Variants in CFAP299 observed in about 807,000 individuals in gnomAD.
The protein encoded by CFAP299 is cilia- and flagella-associated protein 299.
In CFAP299, 21 loss-of-function variants were observed where a neutral mutation model predicts 27.0. The ratio of observed to expected loss-of-function variants is 0.78; its 90% CI spans 0.55 to 1.12. The LOEUF is 1.12. Ranked by LOEUF, CFAP299 falls within the 50% of genes most tolerant of loss-of-function variation. The pLI is 0.00. For missense variants in CFAP299, 310 were observed against 276.6 expected (o/e 1.12, Z -0.86); for synonymous variants, 104 against 98.1 (o/e 1.06, Z -0.36).
chr4:80,848,062 T>C (rs900701075), intron 3 of CFAP299, among the ~76,000 whole-genome samples: 1 of 151,438 alleles, frequency 6.6e-6, no homozygotes, highest in Non-Finnish European at 1.5e-5. Flanking sequence ...AATACAAAAA[T>C]TAGCTGAGTG....
chr4:80,330,838 T>C (rs1007964946), upstream of CFAP299, among the ~76,000 whole-genome samples: 12 of 152,158 alleles, frequency 7.9e-5, no homozygotes, highest in African/African-American at 2.7e-4. Flanking sequence ...CACTGAAATA[T>C]ATAGAAAAAG....
chr4:80,681,721 G>A (rs1026465766), intron 3 of CFAP299, among the ~76,000 whole-genome samples: 12 of 152,164 alleles, frequency 7.9e-5, no homozygotes, highest in African/African-American at 2.9e-4. Context: ...TTAACAGATG[G>A]CAAAATGTAT....
chr4:80,824,277 G>T (rs985491292), intron 3 of CFAP299, among the ~76,000 whole-genome samples: 16 of 152,064 alleles, frequency 1.1e-4, no homozygotes, highest in African/African-American at 3.9e-4. Flanking sequence ...TTAGTTTTTT[G>T]CTCAGCAGTG....
intron 5 of CFAP299, among the ~76,000 whole-genome samples, chr4:80,945,252 T>C (rs1212283033): frequency 6.6e-6 from 1 of 152,218 alleles, no homozygotes; most frequent in Non-Finnish European, 1.5e-5. Context: ...ATCCTGCAGA[T>C]GTCCAGCCAC....
chr4:80,740,639 A>G (rs1379308197), intron 3 of CFAP299, among the ~76,000 whole-genome samples: 1 of 152,166 alleles, frequency 6.6e-6, no homozygotes, highest in Non-Finnish European at 1.5e-5. Flanking sequence ...CAGGCCCTGG[A>G]CATGTCCAGA....
At chr4:80,453,198 T>C (rs540115541) in intron 2 of CFAP299, among the ~76,000 whole-genome samples, 1 of 152,318 alleles carries the variant, frequency 6.6e-6, no homozygotes, top group East Asian at 1.9e-4. Context: ...TCCCTTTTTT[T>C]TATATTTAAG....
chr4:80,851,623 T>G (rs890342526), intron 3 of CFAP299, among the ~76,000 whole-genome samples: 4 of 151,914 alleles, frequency 2.6e-5, no homozygotes, highest in African/African-American at 9.7e-5. Context: ...AGAAGAAAAA[T>G]GACTTGAGAA....
chr4:80,454,347 C>T (rs1000808488), intron 2 of CFAP299, among the ~76,000 whole-genome samples: 1 of 152,160 alleles, frequency 6.6e-6, no homozygotes, highest in African/African-American at 2.4e-5. Context: ...AAGATATCTA[C>T]CAGCGAACAT....
intron 3 of CFAP299, among the ~76,000 whole-genome samples, chr4:80,795,552 G>A (rs1727806163): frequency 6.6e-6 from 1 of 152,180 alleles, no homozygotes; most frequent in Non-Finnish European, 1.5e-5. Flanking sequence ...GAGGCCACTG[G>A]TGCAGGCTGG....
At chr4:80,552,436 C>T (rs1045157022) in intron 2 of CFAP299, among the ~76,000 whole-genome samples, 2 of 152,100 alleles carry the variant, frequency 1.3e-5, no homozygotes, top group Non-Finnish European at 2.9e-5. Context: ...AACCCTGAGC[C>T]AGCCAGGTGA....
At chr4:80,855,864 C>T (rs1020041567) in intron 3 of CFAP299, among the ~76,000 whole-genome samples, 10 of 151,936 alleles carry the variant, frequency 6.6e-5, no homozygotes, top group Admixed American at 5.9e-4. Flanking sequence ...CCGCAATAAA[C>T]ATACGTGTGC....
At chr4:80,589,655 G>C (rs1398972514) in intron 3 of CFAP299, among the ~76,000 whole-genome samples, 1 of 152,030 alleles carries the variant, frequency 6.6e-6, no homozygotes, top group African/African-American at 2.4e-5. Context: ...GCCAATTCAG[G>C]GATGAGGAAG....
intron 1 of CFAP299, among the ~76,000 whole-genome samples, chr4:80,351,186 CA>C (rs1273597162): frequency 5.3e-5 from 8 of 151,852 alleles, no homozygotes; most frequent in Non-Finnish European, 1.2e-4. Flanking sequence ...AAACTTGGAT[CA>C]AAATGAAAAT....
At chr4:80,642,986 TAA>T (rs1000276316) in intron 3 of CFAP299, among the ~76,000 whole-genome samples, 5 of 151,728 alleles carry the variant, frequency 3.3e-5, no homozygotes, top group Non-Finnish European at 5.9e-5. Flanking sequence ...AGGAAAATCC[TAA>T]GAGACGTTAA....
At chr4:80,904,928 GA>G (rs1358513279) in intron 4 of CFAP299, among the ~76,000 whole-genome samples, 1 of 147,284 alleles carries the variant, frequency 6.8e-6, no homozygotes, top group African/African-American at 2.7e-5. Context: ...TAATATGACA[GA>G]AAAAAATTAT....
chr4:80,931,145 A>AAGTGAGTGAGTGAGTG (rs3038546), intron 4 of CFAP299, among the ~76,000 whole-genome samples: 6 of 135,166 alleles, frequency 4.4e-5, no homozygotes, highest in East Asian at 2.2e-4. Flanking sequence ...ACATAATAAT[A>AAGTGAGTGAGTGAGTG]AGTGAGTGAG....
intron 2 of CFAP299, among the ~76,000 whole-genome samples, chr4:80,398,078 C>T (rs1012767294): frequency 6.6e-6 from 1 of 152,112 alleles, no homozygotes; most frequent in African/African-American, 2.4e-5. Flanking sequence ...TTGTGAACTC[C>T]CATTCACAAT....
Position 80,847,688 on chromosome 4 carries a change from A to G in CFAP299, c.334-22305A>G, listed in dbSNP as rs1183515458. ...CAGAATTAACAATGATACCTACATTATGGGGCTTGGGTTAAAATTAAATGA... is the reference window on the plus strand; with the variant it reads ...CAGAATTAACAATGATACCTACATTGTGGGGCTTGGGTTAAAATTAAATGA... On this transcript the variant is annotated intron_variant, in intron 3 of 5. Transcript: ENST00000358105. Among the ~76,000 whole-genome samples, 4 of 152,346 alleles carry G rather than the reference A, an allele frequency of 2.6e-5. No individual in the cohort carries two copies. In the East Asian group the frequency reaches 5.8e-4, roughly 22 times the overall value.
chr4:80,591,313 CG>C (rs1251516933), intron 3 of CFAP299, among the ~76,000 whole-genome samples: 1 of 150,958 alleles, frequency 6.6e-6, no homozygotes, highest in Non-Finnish European at 1.5e-5. Context: ...TTAGTAGAGA[CG>C]GGGTTTCACC....
Sources: gnomAD v4.1 joint callset for allele counts (sites outside exome capture counted in the v4.1 genomes callset) on GRCh38, gnomAD v4.1.1 for gene constraint, MANE v1.5 for transcripts, NCBI Gene and HGNC (gene_info 2026-07-23, HGNC 2026-07-21) for gene names.